The following LILRB1 variants were observed in gnomAD, a reference collection of about 807,000 sequenced individuals.
LILRB1 encodes the protein leukocyte immunoglobulin like receptor B1.
In LILRB1, 59 loss-of-function variants were observed where a neutral mutation model predicts 74.6. The ratio of observed to expected loss-of-function variants is 0.79; its 90% CI spans 0.64 to 0.98. The LOEUF (loss-of-function observed/expected upper bound fraction) is 0.98. LILRB1 is among the 50% of genes least tolerant of loss of function. The pLI, the probability that LILRB1 is intolerant of heterozygous loss-of-function variation, is 0.00. For synonymous variants in LILRB1, 328 were observed against 333.9 expected, an observed-to-expected ratio of 0.98 and a Z score of 0.19; for missense variants, 804 against 822.6, an observed-to-expected ratio of 0.98 and a Z score of 0.28.
chr19:54,633,769 C>T, intron 8 of LILRB1, 81 bp downstream of exon 8: 2 of 1,513,942 alleles, frequency 1.3e-6, no homozygotes, highest in Non-Finnish European at 1.8e-6. Flanking sequence ...ATCCCATTCC[C>T]CTCAAAGACT....
At position 54,632,451 on chromosome 19, in the gene LILRB1, C is replaced by A. The variant is rs373023875; in HGVS notation, c.662-13C>A. The A allele has an allele frequency of 3.1e-6, 5 of 1,588,626 alleles. No individual in the cohort carries two copies. Among genetic ancestry groups the A allele is most frequent in the Non-Finnish European group, 4.3e-6 (5 of 1,165,408 alleles). On this transcript the variant is annotated splice_polypyrimidine_tract_variant and intron_variant, in intron 5 of 14. Coordinates refer to ENST00000324602, the MANE Select transcript of LILRB1 (RefSeq NM_001081637.3). ...AGGGTCGGCTCCTGGAAACCATGAC[C>A]ACCTTTTCCCAGGTGTTTCTAAGAA...
intron 1 of LILRB1, among the ~76,000 whole-genome samples, chr19:54,623,318 AG>A (rs1247604307): frequency 1.3e-5 from 2 of 152,074 alleles, no homozygotes; most frequent in African/African-American, 4.8e-5. Context: ...GAAGATTTTT[AG>A]TACTGATTCT....
At chr19:54,625,654 C>T (rs1309398696), upstream of LILRB1, among the ~76,000 whole-genome samples, 2 of 151,616 alleles carry the variant, frequency 1.3e-5, no homozygotes, top group East Asian at 3.9e-4. Context: ...TCACTCACCC[C>T]TTCCCCGTGT....
chr19:54,625,980 G>A (rs904283311), upstream of LILRB1, among the ~76,000 whole-genome samples: 14 of 151,408 alleles, frequency 9.2e-5, no homozygotes, highest in Admixed American at 6.6e-4. Context: ...CCCCTTCCCC[G>A]TGTTAGGAGC....
upstream of LILRB1, among the ~76,000 whole-genome samples, chr19:54,629,015 G>A (rs563454914): frequency 6.6e-6 from 1 of 152,180 alleles, no homozygotes; most frequent in Non-Finnish European, 1.5e-5. Context: ...ACTGTGGCTT[G>A]CCATGCCATG....
intron 1 of LILRB1, among the ~76,000 whole-genome samples, chr19:54,623,377 G>A (rs1394715739): frequency 6.6e-6 from 1 of 152,114 alleles, no homozygotes; most frequent in Non-Finnish European, 1.5e-5. Flanking sequence ...TTTTTTGCCT[G>A]TGCGATCTTA....
In LILRB1 at chr19:54,631,637, A is replaced by G; in HGVS notation, c.208A>G (p.Ile70Val). 1.9e-6 allele frequency: 3 copies of G among 1,614,278 alleles called. No homozygotes were observed. The highest frequency in any genetic ancestry group is 2.2e-5 in the East Asian group (1 of 44,890). ...TAGAGAAAAGAAAACAGCACCCTGG[A>G]TTACACGGATCCCACAGGAGCTTGT... ...LYREKKTAPW[I>V]TRIPQELVKK... is the part of the protein sequence containing the mutation. Residue 70 changes from isoleucine to valine, a missense_variant, in exon 4 of 15, where the codon ATT becomes GTT. Ile to Val is a conservative substitution (Grantham distance 29, BLOSUM62 3). Coordinates refer to ENST00000324602, the MANE Select transcript of LILRB1 (RefSeq NM_001081637.3).
chr19:54,635,380 G>T, intron 12 of LILRB1, 84 bp downstream of exon 12: 1 of 1,576,168 alleles, frequency 6.3e-7, no homozygotes, highest in Non-Finnish European at 8.7e-7. Flanking sequence ...GGCGCTGGCT[G>T]GAAAGGGTCT....
intron 13 of LILRB1, 119 bp from the exon 14 acceptor site, chr19:54,636,375 C>T (rs1599872691): frequency 2.0e-6 from 3 of 1,529,096 alleles, no homozygotes; most frequent in Non-Finnish European, 1.8e-6. Flanking sequence ...GGCCTTAGGG[C>T]GTCCCTGAGA....
intron 9 of LILRB1, chr19:54,634,428 G>A (rs1356605488): frequency 6.6e-6 from 10 of 1,522,496 alleles, no homozygotes; most frequent in Admixed American, 2.0e-5. Flanking sequence ...TTCCTTCCCA[G>A]CTCTGCCGCT....
In LILRB1 at chr19:54,637,064, G is replaced by A. The variant is rs1463391557; in HGVS notation, c.*186G>A. The A allele has an allele frequency of 5.2e-5, 34 of 650,256 alleles. 1 individual carries two copies. The Admixed American group carries it at 1.0e-3, about 19-fold the overall frequency. 40.3% of individuals were successfully genotyped at this position (650,256 alleles called of 1,614,324 possible). A position where few individuals can be genotyped will look rare whatever the true frequency, so the allele number is the denominator to read the frequency against. ...TCTACAATTTTGAAATAAAGCAACA[G>A]ACTTCTCAATAATCAATGAAGTAGC... On this transcript the variant is annotated 3_prime_UTR_variant, in exon 15 of 15. Transcript: ENST00000324602.
chr19:54,619,080 G>T (rs1037380814), intron 1 of LILRB1, among the ~76,000 whole-genome samples: 2 of 152,130 alleles, frequency 1.3e-5, no homozygotes, highest in East Asian at 3.9e-4. Flanking sequence ...TTAATTCAAA[G>T]CTTTTTTAAA....
intron 1 of LILRB1, among the ~76,000 whole-genome samples, chr19:54,619,145 TTATAAA>T (rs2063389380): frequency 6.6e-6 from 1 of 152,022 alleles, no homozygotes; most frequent in African/African-American, 2.4e-5. Context: ...GTAAAGACAG[TTATAAA>T]TATAAAGAGG....
intron 1 of LILRB1, among the ~76,000 whole-genome samples, chr19:54,620,611 C>A (rs1001511950): frequency 2.6e-5 from 4 of 152,104 alleles, no homozygotes; most frequent in African/African-American, 9.7e-5. Flanking sequence ...CTTAGTGGAC[C>A]AGACAAACGC....
At chr19:54,625,476 C>A (rs954947282), upstream of LILRB1, among the ~76,000 whole-genome samples, 1 of 152,130 alleles carries the variant, frequency 6.6e-6, no homozygotes, top group Admixed American at 6.5e-5. Flanking sequence ...TCTGGGAACT[C>A]CCTGTGCCTC....
intron 9 of LILRB1, 91 bp from the exon 10 acceptor site, chr19:54,634,550 G>A: frequency 3.9e-6 from 6 of 1,521,102 alleles, no homozygotes; most frequent in Non-Finnish European, 5.3e-6. Flanking sequence ...GGGGGTTGGA[G>A]GTGGTGAACA....
At chr19:54,629,888 A>G, upstream of LILRB1, among the ~76,000 whole-genome samples, 1 of 152,208 alleles carries the variant, frequency 6.6e-6, no homozygotes, top group Admixed American at 6.5e-5. Context: ...GGTATTTCAG[A>G]AATGCCCAGA....
At chr19:54,621,959 T>G (rs989748205) in intron 1 of LILRB1, among the ~76,000 whole-genome samples, 1 of 152,184 alleles carries the variant, frequency 6.6e-6, no homozygotes, top group African/African-American at 2.4e-5. Flanking sequence ...TTCCCCATTG[T>G]TTACTTTGTT....
chr19:54,637,754 A>C lies in LILRB1; in HGVS notation c.*876A>C, dbSNP rs1203666272. On this transcript the variant is annotated 3_prime_UTR_variant, in exon 15 of 15. Coordinates refer to ENST00000324602, the MANE Select transcript of LILRB1 (RefSeq NM_001081637.3). The stretch of plus-strand genomic sequence containing the variant: ...ACAATGAAAAAGAGAAAGAAAGAGC[A>C]GGCATGCATTTCCATATGGGAGTGA... Among the ~76,000 whole-genome samples, 1 of 152,194 alleles carries C rather than the reference A, an allele frequency of 6.6e-6. No homozygotes were observed. Among genetic ancestry groups the C allele is most frequent in the Non-Finnish European group, 1.5e-5 (1 of 68,040 alleles).
Sources: gnomAD v4.1 joint callset for allele counts (sites outside exome capture counted in the v4.1 genomes callset) on GRCh38, gnomAD v4.1.1 for gene constraint, MANE v1.5 for transcripts, NCBI Gene and HGNC (gene_info 2026-07-23, HGNC 2026-07-21) for gene names.